CSNK2A1: variants seen among roughly 807,000 people sequenced by gnomAD.
CSNK2A1 encodes the protein casein kinase 2 alpha 1, also known as casein kinase II subunit alpha.
Under a neutral mutation model 62.9 loss-of-function variants are expected in CSNK2A1, and 10 were observed. The observed-to-expected ratio is 0.16, with a 90% confidence interval of 0.10 to 0.27. The LOEUF (loss-of-function observed/expected upper bound fraction) is 0.27. Ranked by LOEUF, CSNK2A1 falls within the 10% of genes least tolerant of loss-of-function variation. CSNK2A1 has a pLI of 1.00. For synonymous variants in CSNK2A1, 124 were observed against 167.8 expected (o/e 0.74, Z 2.02); for missense variants, 160 against 492.0 (o/e 0.33, Z 6.38).
chr20:525,862 C>T (rs1460965974), intron 2 of CSNK2A1, among the ~76,000 whole-genome samples: 2 of 138,218 alleles, frequency 1.4e-5, no homozygotes, highest in Non-Finnish European at 3.1e-5. Context: ...AAAAAAAAGC[C>T]AGGTGTGGTG....
intron 2 of CSNK2A1, among the ~76,000 whole-genome samples, chr20:510,726 T>G (rs1320882639): frequency 6.6e-6 from 1 of 151,996 alleles, no homozygotes; most frequent in Non-Finnish European, 1.5e-5. Context: ...TGTTGAAATC[T>G]TCTTATTTGA....
At chr20:524,376 A>G (rs1173486798) in intron 2 of CSNK2A1, among the ~76,000 whole-genome samples, 1 of 150,534 alleles carries the variant, frequency 6.6e-6, no homozygotes, top group African/African-American at 2.4e-5. Flanking sequence ...GTAGCAAGAT[A>G]ACGCCATTGC....
intron 2 of CSNK2A1, among the ~76,000 whole-genome samples, chr20:515,100 G>T (rs2256420): frequency 2.0e-5 from 3 of 151,788 alleles, no homozygotes; most frequent in Non-Finnish European, 4.4e-5. Context: ...CTGAGTGTGG[G>T]ACAGGACTTA....
chr20:517,178 TTCAG>T (rs1278594153), intron 2 of CSNK2A1, among the ~76,000 whole-genome samples: 11 of 152,160 alleles, frequency 7.2e-5, no homozygotes, highest in African/African-American at 2.7e-4. Context: ...AAGAGAAAAA[TTCAG>T]TCAAACTTGC....
At position 475,454 on chromosome 20, in the gene CSNK2A1, C is replaced by CTT. The variant is rs1472249129; in HGVS notation, c.*8506_*8507insAA. On this transcript the variant is annotated 3_prime_UTR_variant, in exon 14 of 14. Transcript: ENST00000217244. ...CAGCCTGGGTGACAGAGTTAAGACT[C>CTT]TGACTCAAAAAAAAAAAAAAAAAGT... The CTT allele has an allele frequency of 8.2e-6, 1 of 122,300 alleles. No individual in the cohort carries two copies. The highest frequency in any genetic ancestry group is 1.6e-5 in the Non-Finnish European group (1 of 62,238). 7.6% of individuals were successfully genotyped at this position (122,300 alleles called of 1,614,324 possible).
At chr20:496,233 C>A (rs2018344461) in intron 7 of CSNK2A1, 1 of 166,450 alleles carries the variant, frequency 6.0e-6, no homozygotes. Context: ...CCAAATTTGG[C>A]CTGATGTCTG....
At chr20:520,147 G>A (rs947312297) in intron 2 of CSNK2A1, among the ~76,000 whole-genome samples, 6 of 151,972 alleles carry the variant, frequency 3.9e-5, no homozygotes, top group South Asian at 2.1e-4. Flanking sequence ...CATAGGGGAA[G>A]AAAGTTGAAT....
intron 1 of CSNK2A1, among the ~76,000 whole-genome samples, chr20:532,196 G>A (rs141100056): frequency 0.035 from 5,210 of 150,282 alleles, 110 homozygotes; most frequent in African/African-American, 0.053. Context: ...ATGGAGTCTC[G>A]CTCTGTCGCC....
At chr20:543,549 G>C in intron 1 of CSNK2A1, 123 bp downstream of exon 1, 1 of 396,488 alleles carries the variant, frequency 2.5e-6, no homozygotes, top group East Asian at 3.6e-5. Flanking sequence ...TGAAGGTGGG[G>C]GCAGGGGAAG....
chr20:520,763 G>A (rs2018928684), intron 2 of CSNK2A1, among the ~76,000 whole-genome samples: 1 of 152,174 alleles, frequency 6.6e-6, no homozygotes, highest in Non-Finnish European at 1.5e-5. Flanking sequence ...GCCTCCCAAA[G>A]TGCTGGGATT....
chr20:489,523 GA>G, intron 10 of CSNK2A1: 1 of 417,312 alleles, frequency 2.4e-6, no homozygotes. Flanking sequence ...TTTATTAGGA[GA>G]ATTCTAAGGT....
rs1379861650 is a variant in CSNK2A1 at position 488,615 on chromosome 20, A to C, written c.824+63T>G. 6 of 1,484,164 alleles carry C rather than the reference A, an allele frequency of 4.0e-6. No homozygotes were observed. In the East Asian group the frequency reaches 1.4e-4, roughly 34 times the overall value. 91.9% of individuals were successfully genotyped at this position (1,484,164 alleles called of 1,614,324 possible). On this transcript the variant is annotated intron_variant, in intron 11 of 13. Coordinates refer to ENST00000217244, the MANE Select transcript of CSNK2A1 (RefSeq NM_177559.3). Reference sequence around the variant, plus strand: ...AAAACATAACTATTTTGAAGATCCTAAGTGCCAGTTCACTCTCAAAGTGCT... The same window carrying C: ...AAAACATAACTATTTTGAAGATCCTCAGTGCCAGTTCACTCTCAAAGTGCT...
chr20:504,733 C>G (rs979177106), intron 4 of CSNK2A1: 1 of 184,238 alleles, frequency 5.4e-6, no homozygotes, highest in African/African-American at 2.3e-5. Context: ...CTAATATCAT[C>G]TGTCTGTCCC....
chr20:532,242 G>A (rs2019227314), intron 1 of CSNK2A1, among the ~76,000 whole-genome samples: 1 of 151,112 alleles, frequency 6.6e-6, no homozygotes, highest in Non-Finnish European at 1.5e-5. Context: ...TCGGCTTACT[G>A]CAACCTCCGC....
rs1056473627 is a variant in CSNK2A1, at chr20:474,544, C to T, written c.*9417G>A. Reference sequence around the variant, plus strand: ...CATTTATTAAAAGTAGTTGCTTTTTCACCAGAGTAATACATAAATATAGTT... The same window carrying T: ...CATTTATTAAAAGTAGTTGCTTTTTTACCAGAGTAATACATAAATATAGTT... On this transcript the variant is annotated 3_prime_UTR_variant, in exon 14 of 14. Coordinates refer to ENST00000217244, the MANE Select transcript of CSNK2A1 (RefSeq NM_177559.3). 5 of 152,172 alleles carry T rather than the reference C, an allele frequency of 3.3e-5. No individual in the cohort carries two copies. The highest frequency in any genetic ancestry group is 1.2e-4 in the African/African-American group (5 of 41,434). The allele number at this position is 152,172 out of a possible 1,614,324, so 9.4% of individuals were successfully genotyped here. A position where few individuals can be genotyped will look rare whatever the true frequency, so the allele number is the denominator to read the frequency against.
chr20:472,831 A>G lies in CSNK2A1; in HGVS notation c.*11130T>C, dbSNP rs2122457151. The G allele has an allele frequency of 6.6e-6, 1 of 152,266 alleles. No homozygotes were observed. The highest frequency in any genetic ancestry group is 2.1e-4 in the South Asian group (1 of 4,824). 9.4% of individuals were successfully genotyped at this position (152,266 alleles called of 1,614,324 possible). ...TAATTTCTTTCTGAAGCTTTTGCAA[A>G]ACCTCTCGGCCTTCCAAGAAGGTTT... On this transcript the variant is annotated 3_prime_UTR_variant, in exon 14 of 14. Transcript: ENST00000217244.
chr20:489,699 C>G (rs987548757), intron 10 of CSNK2A1, 81 bp downstream of exon 10: 1 of 1,173,552 alleles, frequency 8.5e-7, no homozygotes, highest in East Asian at 2.6e-5. Context: ...GCTGAATAAA[C>G]AGTGAACTGA....
chr20:528,360 A>G (rs888918907), intron 1 of CSNK2A1, among the ~76,000 whole-genome samples: 4 of 152,220 alleles, frequency 2.6e-5, no homozygotes, highest in African/African-American at 9.6e-5. Context: ...GGCTGGAAGT[A>G]AGGGCAGTAA....
At chr20:537,983 A>G (rs948744476) in intron 1 of CSNK2A1, among the ~76,000 whole-genome samples, 1 of 143,816 alleles carries the variant, frequency 7.0e-6, no homozygotes, top group South Asian at 2.1e-4. Context: ...TTTTTTTGAG[A>G]CGGAGTCTTG....
Sources: gnomAD v4.1 joint callset for allele counts (sites outside exome capture counted in the v4.1 genomes callset) on GRCh38, gnomAD v4.1.1 for gene constraint, MANE v1.5 for transcripts, NCBI Gene and HGNC (gene_info 2026-07-23, HGNC 2026-07-21) for gene names.